THEMIS: variants seen among roughly 807,000 people sequenced by gnomAD.
THEMIS encodes the protein thymocyte selection associated, also known as protein THEMIS.
In THEMIS, 37 loss-of-function variants were observed where a neutral mutation model predicts 52.6. That is an observed-to-expected ratio of 0.70 (90% CI 0.54 to 0.93). The LOEUF (loss-of-function observed/expected upper bound fraction) is 0.93, where lower values mean the gene tolerates loss of function less well. THEMIS is among the 40% of genes least tolerant of loss of function. The probability of loss-of-function intolerance (pLI) is 0.00; values close to 1 mark genes in which losing one functional copy is unlikely to be tolerated. For synonymous variants in THEMIS, 292 were observed against 272.7 expected, an observed-to-expected ratio of 1.07 and a Z score of -0.70; for missense variants, 808 against 763.1, an observed-to-expected ratio of 1.06 and a Z score of -0.69.
At position 127,833,862 on chromosome 6, in the gene THEMIS, C is replaced by T. The variant is rs567612687; in HGVS notation, c.251-3928G>A. Among the ~76,000 whole-genome samples, 123 of 151,932 alleles carry T rather than the reference C, an allele frequency of 8.1e-4. 1 individual carries two copies. The highest frequency in any genetic ancestry group is 2.8e-3 in the African/African-American group (114 of 41,400). On this transcript the variant is annotated intron_variant, in intron 2 of 5. Coordinates refer to ENST00000368248, the MANE Select transcript of THEMIS (RefSeq NM_001010923.3). ...ATGTAACACAGTGATAGAAAAGCCA[C>T]AAGAAACATGTGAAATGAGAAATAT... is the stretch of plus-strand genomic sequence containing the variant.
intron 1 of THEMIS, among the ~76,000 whole-genome samples, chr6:127,908,436 A>T (rs1781330316): frequency 6.6e-6 from 1 of 152,158 alleles, no homozygotes; most frequent in Admixed American, 6.6e-5. Context: ...GCTCACCATG[A>T]GGAGACTTGA....
At chr6:127,734,904 T>C (rs1174626737) in intron 4 of THEMIS, among the ~76,000 whole-genome samples, 4 of 122,246 alleles carry the variant, frequency 3.3e-5, no homozygotes, top group Non-Finnish European at 5.1e-5. Flanking sequence ...AAAATATATA[T>C]ATATATATAT....
intron 1 of THEMIS, among the ~76,000 whole-genome samples, chr6:127,892,624 T>C (rs1411958664): frequency 6.6e-6 from 1 of 152,194 alleles, no homozygotes; most frequent in African/African-American, 2.4e-5. Context: ...TAAAACATGC[T>C]TCTATGAGCA....
intron 4 of THEMIS, among the ~76,000 whole-genome samples, chr6:127,729,006 T>A (rs986783013): frequency 2.0e-5 from 3 of 152,194 alleles, no homozygotes; most frequent in Non-Finnish European, 4.4e-5. Context: ...CATTTATTTT[T>A]ACCTATTGGC....
At chr6:127,727,735 A>G (rs1168196259) in intron 4 of THEMIS, among the ~76,000 whole-genome samples, 2 of 152,112 alleles carry the variant, frequency 1.3e-5, no homozygotes, top group African/African-American at 4.8e-5. Context: ...AAATTATCAA[A>G]TGGCATTCTT....
chr6:127,894,492 A>G (rs956951516), intron 1 of THEMIS, among the ~76,000 whole-genome samples: 2 of 152,036 alleles, frequency 1.3e-5, no homozygotes, highest in East Asian at 1.9e-4. Context: ...GGCAAAAGTT[A>G]TAGGAAACAG....
At chr6:127,910,924 T>C (rs1354486899) in intron 1 of THEMIS, among the ~76,000 whole-genome samples, 1 of 152,112 alleles carries the variant, frequency 6.6e-6, no homozygotes, top group Non-Finnish European at 1.5e-5. Flanking sequence ...GGAGCTGTGG[T>C]AGTTTCTCAG....
At chr6:127,860,517 G>A (rs112660969) in intron 1 of THEMIS, among the ~76,000 whole-genome samples, 5 of 152,168 alleles carry the variant, frequency 3.3e-5, no homozygotes, top group African/African-American at 9.6e-5. Flanking sequence ...GATTTTTCTC[G>A]TGAATTGGGG....
intron 1 of THEMIS, among the ~76,000 whole-genome samples, chr6:127,871,981 C>G (rs547898003): frequency 1.2e-4 from 18 of 150,970 alleles, no homozygotes; most frequent in African/African-American, 4.4e-4. Context: ...CCAAACCAGA[C>G]AGACAGCACA....
chr6:127,791,087 T>C (rs981311124), intron 4 of THEMIS, among the ~76,000 whole-genome samples: 2 of 152,228 alleles, frequency 1.3e-5, no homozygotes, highest in African/African-American at 4.8e-5. Flanking sequence ...GCAGGGGGTG[T>C]ATTTCAGCCC....
intron 4 of THEMIS, among the ~76,000 whole-genome samples, chr6:127,741,927 C>T (rs1282590141): frequency 6.6e-6 from 1 of 152,056 alleles, no homozygotes. Context: ...GTGGAACAGT[C>T]AAGAGGATCA....
At chr6:127,713,565 TAGAG>T (rs1319010183) in intron 5 of THEMIS, among the ~76,000 whole-genome samples, 1 of 151,840 alleles carries the variant, frequency 6.6e-6, no homozygotes, top group Non-Finnish European at 1.5e-5. Flanking sequence ...CAAAATATGT[TAGAG>T]AGCACAAAGG....
chr6:127,708,802 T>G lies in THEMIS; in HGVS notation c.*1183A>C, dbSNP rs1773876440. 1 of 152,026 alleles carries G rather than the reference T, an allele frequency of 6.6e-6. No homozygotes were observed. The highest frequency in any genetic ancestry group is 2.4e-5 in the African/African-American group (1 of 41,418). The allele number at this position is 152,026 out of a possible 1,614,324, so 9.4% of individuals were successfully genotyped here. Reference sequence around the variant, plus strand: ...TAAACATTGAAAAAACTCTAATTTTTTTTGTTCTAAAGTTGACTCACAATT... The same window carrying G: ...TAAACATTGAAAAAACTCTAATTTTGTTTGTTCTAAAGTTGACTCACAATT... On this transcript the variant is annotated 3_prime_UTR_variant, in exon 6 of 6. Coordinates refer to ENST00000368248, the MANE Select transcript of THEMIS (RefSeq NM_001010923.3).
chr6:127,884,310 G>T (rs1010685971), intron 1 of THEMIS, among the ~76,000 whole-genome samples: 4 of 152,058 alleles, frequency 2.6e-5, no homozygotes, highest in African/African-American at 9.7e-5. Flanking sequence ...TCACTCATTT[G>T]CAAATCCATA....
At chr6:127,828,433 A>G (rs986801944) in intron 3 of THEMIS, among the ~76,000 whole-genome samples, 29 of 152,126 alleles carry the variant, frequency 1.9e-4, no homozygotes, top group African/African-American at 6.5e-4. Flanking sequence ...GAGTATCATC[A>G]TTTTCTTTGC....
intron 4 of THEMIS, among the ~76,000 whole-genome samples, chr6:127,763,494 G>C (rs1776091132): frequency 6.6e-6 from 1 of 151,892 alleles, no homozygotes; most frequent in African/African-American, 2.4e-5. Context: ...GTTATAATTA[G>C]AAGTGATTTA....
chr6:127,899,166 A>G (rs1372372101), intron 1 of THEMIS, among the ~76,000 whole-genome samples: 2 of 151,916 alleles, frequency 1.3e-5, no homozygotes, highest in Admixed American at 6.6e-5. Flanking sequence ...GAGGCAATGA[A>G]TAATATCCCC....
At chr6:127,889,026 G>A (rs1780726732) in intron 1 of THEMIS, among the ~76,000 whole-genome samples, 1 of 152,020 alleles carries the variant, frequency 6.6e-6, no homozygotes, top group African/African-American at 2.4e-5. Context: ...AAATCTCAGA[G>A]ATTAAACAAT....
At chr6:127,818,915 C>A (rs1191902687) in intron 3 of THEMIS, among the ~76,000 whole-genome samples, 1 of 151,608 alleles carries the variant, frequency 6.6e-6, no homozygotes, top group South Asian at 2.1e-4. Flanking sequence ...GTCAGGAGAT[C>A]GAGACCATCC....
Sources: gnomAD v4.1 joint callset for allele counts (sites outside exome capture counted in the v4.1 genomes callset) on GRCh38, gnomAD v4.1.1 for gene constraint, MANE v1.5 for transcripts, NCBI Gene and HGNC (gene_info 2026-07-23, HGNC 2026-07-21) for gene names.